The following KYAT3 variants were observed in gnomAD, a reference collection of about 807,000 sequenced individuals.
KYAT3 encodes kynurenine--oxoglutarate transaminase 3.
In KYAT3, 50 loss-of-function variants were observed where a neutral mutation model predicts 59.0. The ratio of observed to expected loss-of-function variants is 0.85; its 90% CI spans 0.68 to 1.07. KYAT3 has a LOEUF of 1.07. Ranked by LOEUF, KYAT3 falls within the 50% of genes least tolerant of loss-of-function variation. The pLI, the probability that KYAT3 is intolerant of heterozygous loss-of-function variation, is 0.00. For synonymous variants in KYAT3, 148 were observed against 177.0 expected (o/e 0.84, Z 1.30); for missense variants, 497 against 533.3 (o/e 0.93, Z 0.67).
rs117647911 is a variant in KYAT3, at chr1:88,973,933, G to A, written c.100-4466C>T. On this transcript the variant is annotated intron_variant, in intron 2 of 13. Transcript: ENST00000260508. Reference sequence around the variant, plus strand: ...CAGAAAAAGTCTTCCTAAATGATGGGCTGAAGCTGGGAGAATTGAGGCTGT... The same window carrying A: ...CAGAAAAAGTCTTCCTAAATGATGGACTGAAGCTGGGAGAATTGAGGCTGT... Among the ~76,000 whole-genome samples the A allele has an allele frequency of 7.5e-4, 114 of 152,322 alleles. 1 individual carries two copies. The East Asian group carries it at 0.021, about 28-fold the overall frequency.
chr1:88,936,013 A>C lies in KYAT3; in HGVS notation c.*170T>G. 1 of 512,572 alleles carries C rather than the reference A, an allele frequency of 2.0e-6. No individual in the cohort carries two copies. Among genetic ancestry groups the C allele is most frequent in the Non-Finnish European group, 3.5e-6 (1 of 284,506 alleles). 31.8% of individuals were successfully genotyped at this position (512,572 alleles called of 1,614,324 possible). A position where few individuals can be genotyped will look rare whatever the true frequency, so the allele number is the denominator to read the frequency against. ...ACATTTCAACTGGAAAAAAAAGGTC[A>C]GATCCCCCGAAAATGTTGTTAGGAG... On this transcript the variant is annotated 3_prime_UTR_variant, in exon 14 of 14. Coordinates refer to ENST00000260508, the MANE Select transcript of KYAT3 (RefSeq NM_001008661.3).
intron 2 of KYAT3, among the ~76,000 whole-genome samples, chr1:88,987,432 T>G (rs1443152269): frequency 2.6e-5 from 4 of 152,136 alleles, no homozygotes; most frequent in African/African-American, 9.7e-5. Context: ...TTATGAAAAT[T>G]TTAAACCACT....
intron 2 of KYAT3, among the ~76,000 whole-genome samples, chr1:88,977,200 A>G (rs1676825446): frequency 6.6e-6 from 1 of 151,700 alleles, no homozygotes; most frequent in Non-Finnish European, 1.5e-5. Context: ...TTTAAAAAAA[A>G]ATTGATTTTT....
the KYAT3 span, among the ~76,000 whole-genome samples, chr1:88,929,083 C>T: frequency 3.3e-5 from 5 of 152,066 alleles, no homozygotes; most frequent in African/African-American, 4.8e-5. Context: ...AAAGAATGCC[C>T]GTCCTGCTCA....
In KYAT3 at chr1:88,943,006, T is replaced by C; in HGVS notation, c.1301A>G (p.Lys434Arg). Residue 434 changes from lysine to arginine, a missense_variant and splice_region_variant, in exon 13 of 14, where the codon AAA becomes AGA. Transcript: ENST00000260508. ...TTTTCAATAGAGCAGGGAACTTACT[T>C]TAATGAAGCAAAAACGCACAAACTT... ...FEKFVRFCFI[K>R]KDSTLDAAEE... The C allele has an allele frequency of 1.2e-6, 2 of 1,607,120 alleles. No homozygotes were observed. Among genetic ancestry groups the C allele is most frequent in the South Asian group, 1.1e-5 (1 of 90,756 alleles).
intron 5 of KYAT3, among the ~76,000 whole-genome samples, chr1:88,964,116 T>A (rs1676250224): frequency 6.6e-6 from 1 of 152,130 alleles, no homozygotes. Context: ...GGCACGAGAA[T>A]CACTTGAACC....
At chr1:88,991,156 T>C (rs1426259049) in intron 1 of KYAT3, among the ~76,000 whole-genome samples, 2 of 152,220 alleles carry the variant, frequency 1.3e-5, no homozygotes, top group African/African-American at 2.4e-5. Flanking sequence ...TCAGAAAGTA[T>C]GCTTGGCAGA....
rs759468515 is a variant in KYAT3, at chr1:88,984,075, G to T, written c.99+4177C>A. On this transcript the variant is annotated intron_variant, in intron 2 of 13. Transcript: ENST00000260508. Reference sequence around the variant, plus strand: ...AAAACAACAGAATGTTCCTGTAATGGTGGAAGAAATGAAAGTAAAACTCAG... The same window carrying T: ...AAAACAACAGAATGTTCCTGTAATGTTGGAAGAAATGAAAGTAAAACTCAG... 5.8e-4 allele frequency: 252 copies of T among 433,414 alleles called. 3 individuals are homozygous for T. The Middle Eastern group carries it at 6.9e-3, about 12-fold the overall frequency. The allele number at this position is 433,414 out of a possible 1,614,324, so 26.8% of individuals were successfully genotyped here.
intron 3 of KYAT3, among the ~76,000 whole-genome samples, 195 bp from the exon 4 acceptor site, chr1:88,969,009 A>C (rs1421778253): frequency 6.6e-6 from 1 of 152,178 alleles, no homozygotes; most frequent in African/African-American, 2.4e-5. Context: ...GAATTTATGA[A>C]CCCAATGTCC....
At chr1:88,953,476 G>A (rs1675765541) in intron 9 of KYAT3, among the ~76,000 whole-genome samples, 1 of 150,818 alleles carries the variant, frequency 6.6e-6, no homozygotes, top group Non-Finnish European at 1.5e-5. Flanking sequence ...AACCCAGGAG[G>A]CAGAGGTTGC....
chr1:88,935,620 C>T (rs1675005595), downstream of KYAT3, among the ~76,000 whole-genome samples: 1 of 152,130 alleles, frequency 6.6e-6, no homozygotes, highest in Non-Finnish European at 1.5e-5. Context: ...CCGCAAATAA[C>T]AGCAGTACTT....
intron 5 of KYAT3, among the ~76,000 whole-genome samples, chr1:88,962,725 C>T (rs1423335551): frequency 6.6e-6 from 1 of 152,138 alleles, no homozygotes. Flanking sequence ...TCTCAAACTC[C>T]TAACCTCAGG....
rs67003418 is a variant in KYAT3, at chr1:88,940,201, CTG to C, written c.1302+2802_1302+2803del. 6.3e-3 allele frequency among the ~76,000 whole-genome samples: 959 copies of C among 152,198 alleles called. 5 individuals carry two copies. The highest frequency in any genetic ancestry group is 0.01 in the Non-Finnish European group (683 of 68,008). On this transcript the variant is annotated intron_variant, in intron 13 of 13. Transcript: ENST00000260508. ...TCTCATGCCTCAGCCTCCCAAGTAA[CTG>C]AGATTACAGGCATGTGCCACCATAC...
chr1:88,992,362 G>T (rs964212392), intron 1 of KYAT3, among the ~76,000 whole-genome samples: 5 of 152,248 alleles, frequency 3.3e-5, no homozygotes, highest in Admixed American at 3.3e-4. Context: ...CGCCAAGACG[G>T]TGACCCGGGT....
intron 2 of KYAT3, among the ~76,000 whole-genome samples, chr1:88,977,172 G>A (rs1676823817): frequency 6.6e-6 from 1 of 151,828 alleles, no homozygotes; most frequent in Non-Finnish European, 1.5e-5. Flanking sequence ...GTGCCACCAT[G>A]CCCAGCTAAA....
chr1:88,991,622 G>C (rs1245468889), intron 1 of KYAT3, among the ~76,000 whole-genome samples: 1 of 152,218 alleles, frequency 6.6e-6, no homozygotes, highest in Non-Finnish European at 1.5e-5. Context: ...AGAGCGGAAA[G>C]AATTAGCCAA....
rs79956813 is a variant in KYAT3, at chr1:88,936,697, C to A, written c.1303-452G>T. Among the ~76,000 whole-genome samples the A allele has an allele frequency of 1.0e-4, 5 of 49,758 alleles. No homozygotes were observed. In the East Asian group the frequency reaches 3.6e-3, roughly 36 times the overall value. 32.6% of individuals were successfully genotyped at this position (49,758 alleles called of 152,430 possible). On this transcript the variant is annotated intron_variant, in intron 13 of 13. Transcript: ENST00000260508. ...AAATTAGTTCATTCACACTACTCTG[C>A]CCCTTGCTTTCAAGGTTTCATAGTT... is the stretch of plus-strand genomic sequence containing the variant.
intron 4 of KYAT3, among the ~76,000 whole-genome samples, chr1:88,968,128 C>T (rs897248478): frequency 1.3e-5 from 2 of 152,178 alleles, no homozygotes; most frequent in Non-Finnish European, 2.9e-5. Context: ...TACCATTCCC[C>T]TCCCCATTTC....
rs1297729663 is a variant in KYAT3 at position 88,986,277 on chromosome 1, C to A, written c.99+1975G>T. On this transcript the variant is annotated intron_variant, in intron 2 of 13. Transcript: ENST00000260508. ...AAGGTTTTGTCCAGTGTTGCTTTTG[C>A]GCTTCTCTGGTGGACATTTAAATTT... Among the ~76,000 whole-genome samples, 8 of 150,368 alleles carry A rather than the reference C, an allele frequency of 5.3e-5. No individual in the cohort carries two copies. The East Asian group carries it at 1.6e-3, about 30-fold the overall frequency.
Sources: allele counts gnomAD v4.1 joint callset (sites outside exome capture counted in the v4.1 genomes callset), GRCh38; gene constraint gnomAD v4.1.1; transcripts MANE v1.5; gene names NCBI Gene and HGNC (gene_info 2026-07-23, HGNC 2026-07-21).